PON2: variants seen among roughly 807,000 people sequenced by gnomAD.
PON2 encodes paraoxonase 2.
In PON2, 27 loss-of-function variants were observed where a neutral mutation model predicts 36.6. The ratio of observed to expected loss-of-function variants is 0.74; its 90% CI spans 0.54 to 1.02. The LOEUF (loss-of-function observed/expected upper bound fraction) is 1.02. Ranked by LOEUF, PON2 falls within the 50% of genes least tolerant of loss-of-function variation. The probability of loss-of-function intolerance (pLI) is 0.00; values close to 1 mark genes in which losing one functional copy is unlikely to be tolerated. For synonymous variants in PON2, 149 were observed against 156.3 expected (o/e 0.95, Z 0.35); for missense variants, 363 against 421.1 (o/e 0.86, Z 1.21).
At chr7:95,410,153 A>G (rs1788887318) in intron 5 of PON2, 52 bp from the exon 6 acceptor site, 2 of 1,390,404 alleles carry the variant, frequency 1.4e-6, no homozygotes, top group African/African-American at 1.4e-5. Flanking sequence ...GTTGGTCTCC[A>G]TATTAAATAT....
At chr7:95,416,484 C>A (rs1245476633) in intron 2 of PON2, 187 bp from the exon 3 acceptor site, 23 of 642,266 alleles carry the variant, frequency 3.6e-5, no homozygotes, top group Non-Finnish European at 5.7e-5. Context: ...GAACTTCTGA[C>A]TTTAAATGTT....
intron 6 of PON2, among the ~76,000 whole-genome samples, chr7:95,409,014 TTA>T (rs763756398): frequency 4.6e-5 from 7 of 152,130 alleles, no homozygotes; most frequent in Non-Finnish European, 8.8e-5. Context: ...AACCATTATG[TTA>T]TAATACTCTC....
chr7:95,433,757 A>G (rs578003405), intron 1 of PON2, among the ~76,000 whole-genome samples: 2 of 152,244 alleles, frequency 1.3e-5, no homozygotes, highest in East Asian at 3.9e-4. Flanking sequence ...CTGCTGCACT[A>G]TACATTTGGC....
intron 4 of PON2, 89 bp downstream of exon 4, chr7:95,412,223 C>A: frequency 6.5e-7 from 1 of 1,527,400 alleles, no homozygotes; most frequent in Non-Finnish European, 9.0e-7. Flanking sequence ...TTGTTCTTCT[C>A]TTCCTAGAAA....
rs115090831 is a variant in PON2 at position 95,405,482 on chromosome 7, G to A, written c.913C>T (p.Arg305Cys). Reference sequence around the variant, plus strand: ...TTCTCAGATAGAATGTTCTGGATGCGGAGAACCTATTCAGGGGATACAAAG... The same window carrying A: ...TTCTCAGATAGAATGTTCTGGATGCAGAGAACCTATTCAGGGGATACAAAG... ...PNNPPSSEVL[R>C]IQNILSEKPT... Residue 305 changes from arginine (R) to cysteine (C), a missense_variant, in exon 9 of 9, where the codon CGC (arginine) becomes TGC (cysteine). Physicochemically the swap from Arg to Cys is radical, Grantham distance 180 (BLOSUM62 -3). Transcript: ENST00000222572. 194 of 1,612,126 alleles carry A rather than the reference G, an allele frequency of 1.2e-4. No homozygotes were observed. Among genetic ancestry groups the A allele is most frequent in the Non-Finnish European group, 1.3e-4 (154 of 1,178,498 alleles).
At chr7:95,428,269 A>C (rs1432209119) in intron 1 of PON2, among the ~76,000 whole-genome samples, 2 of 152,056 alleles carry the variant, frequency 1.3e-5, no homozygotes, top group African/African-American at 4.8e-5. Flanking sequence ...TCACGAGCCT[A>C]TGGTAGGTAT....
At position 95,409,653 on chromosome 7, in the gene PON2, T is replaced by C. The variant is rs145603776; in HGVS notation, c.695+248A>G. 103 of 154,142 alleles carry C rather than the reference T, an allele frequency of 6.7e-4. No individual in the cohort carries two copies. The East Asian group carries it at 0.014, about 20-fold the overall frequency. 9.5% of individuals were successfully genotyped at this position (154,142 alleles called of 1,614,324 possible). On this transcript the variant is annotated intron_variant, in intron 6 of 8. Coordinates refer to ENST00000222572, the MANE Select transcript of PON2 (RefSeq NM_000305.3). ...TTTATATATTATATATAAATACATA[T>C]ATATTACTGTATTATATAGTTTACT...
At position 95,409,984 on chromosome 7, in the gene PON2, A is replaced by T; in HGVS notation, c.612T>A (p.Val204=). ...ETYLNLHWAN[V]VYYSPNEVKV... ...TAACTTCATTTGGACTGTAGTAAAC[A>T]ACATTTGCCCAGTGTAAGTTCAAGT... Residue 204 remains valine (V), a synonymous_variant, in exon 6 of 9, where the codon GTT becomes GTA. Transcript: ENST00000222572. 1 of 1,613,900 alleles carries T rather than the reference A, an allele frequency of 6.2e-7. No individual in the cohort carries two copies. Among genetic ancestry groups the T allele is most frequent in the Non-Finnish European group, 8.5e-7 (1 of 1,179,890 alleles).
At chr7:95,406,873 AG>A in intron 7 of PON2, 113 bp downstream of exon 7, 1 of 658,532 alleles carries the variant, frequency 1.5e-6, no homozygotes, top group Non-Finnish European at 2.6e-6. Context: ...TTAAAAACCC[AG>A]AATAGCTACA....
At chr7:95,412,242 A>G (rs2116464540) in intron 4 of PON2, 70 bp downstream of exon 4, 1 of 1,565,680 alleles carries the variant, frequency 6.4e-7, no homozygotes, top group Non-Finnish European at 8.8e-7. Context: ...AATATGATCC[A>G]AATCTATTTT....
chr7:95,405,700 A>C (rs1300870030), intron 8 of PON2, among the ~76,000 whole-genome samples: 1 of 152,242 alleles, frequency 6.6e-6, no homozygotes, highest in Non-Finnish European at 1.5e-5. Context: ...TTCCATGCCA[A>C]CACAGGATTT....
In PON2 at chr7:95,411,777, C is replaced by T. The variant is rs767722132; in HGVS notation, c.370G>A (p.Asp124Asn). Residue 124 changes from aspartate (D) to asparagine (N), a missense_variant and splice_region_variant, in exon 5 of 9, where the codon GAC (aspartate) becomes AAC (asparagine). Asp to Asn is a conservative substitution (Grantham distance 23). Transcript: ENST00000222572. ...HGISTFIDND[D>N]TVYLFVVNHP... ...TTTACAACAAAGAGATAAACTGTGTCATCTAAAGAATTGAAAGAACAGAGT... is the reference window on the plus strand; with the variant it reads ...TTTACAACAAAGAGATAAACTGTGTTATCTAAAGAATTGAAAGAACAGAGT... 18 of 1,613,230 alleles carry T rather than the reference C, an allele frequency of 1.1e-5. No individual in the cohort carries two copies. The highest frequency in any genetic ancestry group is 1.5e-5 in the Non-Finnish European group (18 of 1,179,586).
At chr7:95,424,091 T>TA (rs972595926) in intron 2 of PON2, 23 of 216,178 alleles carry the variant, frequency 1.1e-4, no homozygotes, top group Non-Finnish European at 2.1e-4. Context: ...ATTGGTCAGT[T>TA]ACGTGTTAGC....
chr7:95,432,674 G>A (rs1233688151), intron 1 of PON2, among the ~76,000 whole-genome samples: 1 of 152,014 alleles, frequency 6.6e-6, no homozygotes, highest in Admixed American at 6.6e-5. Flanking sequence ...TGGAGAGCAG[G>A]ACAGATCATA....
chr7:95,408,000 A>C (rs1180115653), intron 6 of PON2, among the ~76,000 whole-genome samples: 1 of 152,230 alleles, frequency 6.6e-6, no homozygotes, highest in Non-Finnish European at 1.5e-5. Flanking sequence ...AAGCATAGAA[A>C]GCATGGAAAT....
At chr7:95,422,201 G>A (rs1437071979) in intron 2 of PON2, among the ~76,000 whole-genome samples, 1 of 152,182 alleles carries the variant, frequency 6.6e-6, no homozygotes, top group African/African-American at 2.4e-5. Flanking sequence ...AACTATATAT[G>A]CTGATGTGGA....
chr7:95,413,295 T>C (rs1562787031), intron 3 of PON2, among the ~76,000 whole-genome samples: 1 of 152,170 alleles, frequency 6.6e-6, no homozygotes, highest in Non-Finnish European at 1.5e-5. Flanking sequence ...AGCCAGTCCC[T>C]GCTTCTCTAA....
chr7:95,410,230 A>C, intron 5 of PON2, 129 bp from the exon 6 acceptor site: 1 of 759,396 alleles, frequency 1.3e-6, no homozygotes, highest in Non-Finnish European at 2.2e-6. Flanking sequence ...ACGAGCTAAA[A>C]ATCACGACTA....
intron 1 of PON2, 24 bp downstream of exon 1, chr7:95,434,854 G>C (rs189586932): frequency 6.1e-5 from 94 of 1,537,110 alleles, no homozygotes; most frequent in Admixed American, 3.2e-4. Flanking sequence ...CCGCCGAGGA[G>C]GGGCGCGCGG....
Sources: gnomAD v4.1 joint callset for allele counts (sites outside exome capture counted in the v4.1 genomes callset) on GRCh38, gnomAD v4.1.1 for gene constraint, MANE v1.5 for transcripts, NCBI Gene and HGNC (gene_info 2026-07-23, HGNC 2026-07-21) for gene names.